SGCZ: variants seen among roughly 807,000 people sequenced by gnomAD.
The protein encoded by SGCZ is zeta-sarcoglycan.
Under a neutral mutation model 41.3 loss-of-function variants are expected in SGCZ, and 40 were observed. The observed-to-expected ratio is 0.97, with a 90% CI of 0.75 to 1.26. The LOEUF is 1.26. Among genes scored for constraint, SGCZ ranks in the 50% most tolerant of loss-of-function variants. SGCZ has a pLI of 0.00. For missense variants in SGCZ, 552 were observed against 369.8 expected (o/e 1.49, Z -4.04); for synonymous variants, 206 against 137.5 (o/e 1.50, Z -3.49).
In SGCZ at chr8:14,638,070, C is replaced by A. The variant is rs561399282; in HGVS notation, c.40-83144G>T. On this transcript the variant is annotated intron_variant, in intron 1 of 7. Transcript: ENST00000382080. The stretch of plus-strand genomic sequence containing the variant: ...TTTGTATTTCTCTGACGATCAGTGA[C>A]GTTGAGCATTTTTTCATATGTATGT... Among the ~76,000 whole-genome samples, 18 of 151,762 alleles carry A rather than the reference C, an allele frequency of 1.2e-4. 1 individual carries two copies. The highest frequency in any genetic ancestry group is 1.2e-3 in the Admixed American group (18 of 15,186).
At chr8:14,683,341 T>C (rs929809699) in intron 1 of SGCZ, among the ~76,000 whole-genome samples, 1 of 152,146 alleles carries the variant, frequency 6.6e-6, no homozygotes, top group Admixed American at 6.5e-5. Flanking sequence ...ATAACACTTG[T>C]ATAAATTTAG....
At chr8:14,709,696 C>T (rs1486594612) in intron 1 of SGCZ, among the ~76,000 whole-genome samples, 1 of 151,384 alleles carries the variant, frequency 6.6e-6, no homozygotes, top group Non-Finnish European at 1.5e-5. Flanking sequence ...AAAAAAAAGA[C>T]AAACTATTTA....
At chr8:15,044,552 G>A (rs1804231621) in intron 1 of SGCZ, among the ~76,000 whole-genome samples, 3 of 152,124 alleles carry the variant, frequency 2.0e-5, no homozygotes, top group Admixed American at 2.0e-4. Flanking sequence ...AAAGATTTCT[G>A]AAAATCCACC....
intron 2 of SGCZ, among the ~76,000 whole-genome samples, chr8:14,516,031 C>G (rs939179392): frequency 1.3e-5 from 2 of 151,886 alleles, no homozygotes; most frequent in Non-Finnish European, 2.9e-5. Context: ...GTTAAATTCA[C>G]TGTCTCATGG....
At chr8:14,403,975 A>C (rs1172135998) in intron 2 of SGCZ, among the ~76,000 whole-genome samples, 1 of 152,162 alleles carries the variant, frequency 6.6e-6, no homozygotes, top group Admixed American at 6.6e-5. Context: ...TTCAGCTCCT[A>C]AATAGAAACC....
At chr8:15,089,866 C>T (rs1214977045) in intron 1 of SGCZ, among the ~76,000 whole-genome samples, 1 of 152,140 alleles carries the variant, frequency 6.6e-6, no homozygotes, top group Non-Finnish European at 1.5e-5. Flanking sequence ...GAACTTATTG[C>T]TCAGTTAATA....
intron 5 of SGCZ, among the ~76,000 whole-genome samples, chr8:14,161,109 C>T (rs1043087112): frequency 6.6e-6 from 1 of 152,066 alleles, no homozygotes; most frequent in Non-Finnish European, 1.5e-5. Context: ...TATGAAGCAC[C>T]CTGGAGTCAA....
At chr8:14,426,764 G>C (rs532752314) in intron 2 of SGCZ, among the ~76,000 whole-genome samples, 2 of 152,080 alleles carry the variant, frequency 1.3e-5, no homozygotes. Context: ...TGTATGCTGA[G>C]AAAAAGGTAC....
At chr8:14,184,277 A>C (rs1804829473) in intron 4 of SGCZ, among the ~76,000 whole-genome samples, 1 of 152,154 alleles carries the variant, frequency 6.6e-6, no homozygotes, top group Non-Finnish European at 1.5e-5. Flanking sequence ...CAGGAGCTAA[A>C]ATATTCCCAC....
chr8:14,377,824 C>G (rs997727013), intron 2 of SGCZ, among the ~76,000 whole-genome samples: 6 of 151,806 alleles, frequency 4.0e-5, no homozygotes, highest in Admixed American at 3.3e-4. Flanking sequence ...ATGATGATTA[C>G]CAATTTCATC....
intron 2 of SGCZ, among the ~76,000 whole-genome samples, chr8:14,420,469 C>A (rs1384698994): frequency 6.6e-6 from 1 of 151,890 alleles, no homozygotes; most frequent in Non-Finnish European, 1.5e-5. Context: ...TACTGTTGTT[C>A]GGTATTGCAT....
intron 1 of SGCZ, among the ~76,000 whole-genome samples, chr8:15,171,939 G>C (rs1585637443): frequency 1.3e-5 from 2 of 152,032 alleles, no homozygotes; most frequent in African/African-American, 4.8e-5. Context: ...ATTGAACAGA[G>C]TGCCTTCTCA....
intron 6 of SGCZ, among the ~76,000 whole-genome samples, chr8:14,107,499 A>G (rs1434567070): frequency 1.3e-5 from 2 of 152,112 alleles, no homozygotes; most frequent in Non-Finnish European, 1.5e-5. Context: ...ATTTGCTTCC[A>G]TATTACCCTC....
At chr8:14,095,802 T>C (rs1563122812) in intron 7 of SGCZ, among the ~76,000 whole-genome samples, 1 of 152,214 alleles carries the variant, frequency 6.6e-6, no homozygotes, top group Non-Finnish European at 1.5e-5. Context: ...GTAGTTCTCC[T>C]TGAAGAGGTG....
chr8:14,652,515 AT>A (rs1227912058), intron 1 of SGCZ, among the ~76,000 whole-genome samples: 1 of 151,986 alleles, frequency 6.6e-6, no homozygotes. Context: ...CAATGAGTAA[AT>A]TCTATGTATG....
intron 1 of SGCZ, among the ~76,000 whole-genome samples, chr8:14,921,451 T>G (rs913893559): frequency 2.0e-5 from 3 of 152,058 alleles, no homozygotes; most frequent in Admixed American, 6.6e-5. Context: ...TTAAAGGGCA[T>G]AATACATTTT....
intron 1 of SGCZ, among the ~76,000 whole-genome samples, chr8:14,808,790 T>C (rs1002138923): frequency 6.1e-4 from 93 of 151,936 alleles, no homozygotes; most frequent in Non-Finnish European, 9.6e-4. Flanking sequence ...CGTATGTTTA[T>C]TGTGGCACTA....
At chr8:15,006,561 A>C (rs1293782752) in intron 1 of SGCZ, among the ~76,000 whole-genome samples, 1 of 152,244 alleles carries the variant, frequency 6.6e-6, no homozygotes, top group Non-Finnish European at 1.5e-5. Context: ...AATATAGTTC[A>C]TAATTAACCA....
At chr8:14,398,111 C>G (rs2054361) in intron 2 of SGCZ, among the ~76,000 whole-genome samples, 1 of 152,086 alleles carries the variant, frequency 6.6e-6, no homozygotes, top group Admixed American at 6.6e-5. Flanking sequence ...ATCAAGTAGT[C>G]TAGATTTTCC....
Sources: allele counts gnomAD v4.1 joint callset (sites outside exome capture counted in the v4.1 genomes callset), GRCh38; gene constraint gnomAD v4.1.1; transcripts MANE v1.5; gene names NCBI Gene and HGNC (gene_info 2026-07-23, HGNC 2026-07-21).